Variants in ESRRG observed in about 807,000 individuals in gnomAD.
ESRRG encodes the protein estrogen-related receptor gamma.
In ESRRG, 13 loss-of-function variants were observed where a neutral mutation model predicts 44.0. That is an observed-to-expected ratio of 0.30 (90% CI 0.19 to 0.47). ESRRG has a LOEUF of 0.47. Ranked by LOEUF, ESRRG falls within the 20% of genes least tolerant of loss-of-function variation. ESRRG has a pLI of 1.00. For missense variants in ESRRG, 395 were observed against 580.6 expected, an observed-to-expected ratio of 0.68 and a Z score of 3.29; for synonymous variants, 215 against 214.6, an observed-to-expected ratio of 1.00 and a Z score of -0.02.
intron 3 of ESRRG, among the ~76,000 whole-genome samples, chr1:216,576,786 T>A (rs757666205): frequency 6.6e-6 from 1 of 152,018 alleles, no homozygotes; most frequent in Non-Finnish European, 1.5e-5. Context: ...ATCTGAAGCA[T>A]GGAGCCCTAA....
At chr1:216,761,651 G>T (rs79054869) in intron 2 of ESRRG, among the ~76,000 whole-genome samples, 3,024 of 152,202 alleles carry the variant, frequency 0.02, 52 homozygotes, top group Non-Finnish European at 0.031. Context: ...ACTTTGAAAA[G>T]AAGCAAAATT....
intron 1 of ESRRG, among the ~76,000 whole-genome samples, chr1:217,135,319 A>G (rs895177953): frequency 2.0e-5 from 3 of 152,122 alleles, no homozygotes; most frequent in Non-Finnish European, 2.9e-5. Flanking sequence ...TCCCACGTAA[A>G]GGCCAGTCTT....
At chr1:216,860,018 C>T (rs1483518190) in intron 2 of ESRRG, among the ~76,000 whole-genome samples, 1 of 152,186 alleles carries the variant, frequency 6.6e-6, no homozygotes, top group Non-Finnish European at 1.5e-5. Flanking sequence ...AATCCCAACA[C>T]TTTGGCAGGC....
At position 216,826,954 on chromosome 1, in the gene ESRRG, C is replaced by T. The variant is rs147622914; in HGVS notation, c.-14+112628G>A. Among the ~76,000 whole-genome samples, 965 of 152,268 alleles carry T rather than the reference C, an allele frequency of 6.3e-3. 6 individuals are homozygous for T. The highest frequency in any genetic ancestry group is 0.027 in the Middle Eastern group (8 of 294). On this transcript the variant is annotated intron_variant, in intron 2 of 7. Coordinates refer to the ESRRG transcript ENST00000359162. ...GGGCCCTTTAAGCTCATCTCTCTTT[C>T]CCAACTATATGAGCAGGGGGGTGAT... is the stretch of plus-strand genomic sequence containing the variant.
chr1:216,633,971 G>A (rs939061168), intron 3 of ESRRG, among the ~76,000 whole-genome samples: 1 of 152,150 alleles, frequency 6.6e-6, no homozygotes, highest in Non-Finnish European at 1.5e-5. Flanking sequence ...GGTTAAAAGG[G>A]TAGATAAACC....
rs201260010 is a variant in ESRRG at position 216,939,343 on chromosome 1, C to CAAAAAAAAAAAAAAAAAAAAAAAAAAAAA, written c.-14+238_-14+239insTTTTTTTTTTTTTTTTTTTTTTTTTTTTT. ...TCTTCCAGAATATCCTACACATAGA[C>CAAAAAAAAAAAAAAAAAAAAAAAAAAAAA]AAAAAAAAAAAAAAAAAAAAAAAAA... On this transcript the variant is annotated intron_variant, in intron 2 of 7. Transcript: ENST00000359162. 5.4e-4 allele frequency among the ~76,000 whole-genome samples: 27 copies of CAAAAAAAAAAAAAAAAAAAAAAAAAAAAA among 50,076 alleles called. 1 individual carries two copies. Among genetic ancestry groups the CAAAAAAAAAAAAAAAAAAAAAAAAAAAAA allele is most frequent in the East Asian group, 1.3e-3 (1 of 784 alleles). The allele number at this position is 50,076 out of a possible 152,430, so 32.9% of individuals were successfully genotyped here.
intron 3 of ESRRG, among the ~76,000 whole-genome samples, chr1:216,603,543 A>G (rs921319409): frequency 7.2e-5 from 11 of 152,244 alleles, no homozygotes; most frequent in Non-Finnish European, 1.2e-4. Flanking sequence ...AGTCGGAGAC[A>G]TAAGCAAAAG....
intron 1 of ESRRG, among the ~76,000 whole-genome samples, chr1:216,962,892 G>C (rs907575028): frequency 1.3e-5 from 2 of 152,136 alleles, no homozygotes; most frequent in Non-Finnish European, 2.9e-5. Flanking sequence ...GTCTAAAAAA[G>C]AACCAGGTAG....
chr1:216,815,248 A>G (rs556033952), intron 2 of ESRRG, among the ~76,000 whole-genome samples: 3 of 152,234 alleles, frequency 2.0e-5, no homozygotes, highest in East Asian at 1.9e-4. Flanking sequence ...TGTGCCAGGC[A>G]CCATGCTCAG....
At chr1:216,617,645 G>GTACTTAAGTCCAACA (rs2061600904) in intron 3 of ESRRG, among the ~76,000 whole-genome samples, 2 of 152,228 alleles carry the variant, frequency 1.3e-5, no homozygotes, top group South Asian at 4.2e-4. Flanking sequence ...ATAGCATGTT[G>GTACTTAAGTCCAACA]ATAACAGAAA....
intron 1 of ESRRG, among the ~76,000 whole-genome samples, chr1:216,700,367 A>G (rs796339193): frequency 6.6e-5 from 10 of 152,348 alleles, no homozygotes; most frequent in African/African-American, 2.4e-4. Context: ...GTACTTTCTA[A>G]GCATTTTATC....
At chr1:217,100,799 A>G (rs1437117055) in intron 1 of ESRRG, among the ~76,000 whole-genome samples, 1 of 152,134 alleles carries the variant, frequency 6.6e-6, no homozygotes, top group African/African-American at 2.4e-5. Context: ...CAGAGTGAGA[A>G]CTTACTTATT....
intron 1 of ESRRG, among the ~76,000 whole-genome samples, chr1:217,037,412 A>G (rs1348544919): frequency 3.3e-5 from 5 of 152,176 alleles, no homozygotes; most frequent in Non-Finnish European, 7.4e-5. Context: ...GATGGCAGCA[A>G]AGAAAGAGCT....
At chr1:217,012,547 A>G (rs543386221) in intron 1 of ESRRG, among the ~76,000 whole-genome samples, 9 of 152,292 alleles carry the variant, frequency 5.9e-5, no homozygotes, top group Non-Finnish European at 1.2e-4. Flanking sequence ...TGACACTGAC[A>G]CTGGCAATTT....
intron 1 of ESRRG, among the ~76,000 whole-genome samples, chr1:217,125,033 C>T (rs537668788): frequency 6.6e-6 from 1 of 152,186 alleles, no homozygotes; most frequent in South Asian, 2.1e-4. Context: ...GGGATCCACT[C>T]CATTTCTAAA....
At chr1:217,129,404 C>G (rs746279492) in intron 1 of ESRRG, among the ~76,000 whole-genome samples, 2 of 152,142 alleles carry the variant, frequency 1.3e-5, no homozygotes, top group Non-Finnish European at 2.9e-5. Context: ...AATTATGTAG[C>G]TGCTGTGGAA....
intron 2 of ESRRG, among the ~76,000 whole-genome samples, chr1:216,757,268 G>A (rs2152324371): frequency 1.3e-5 from 2 of 151,926 alleles, no homozygotes; most frequent in Admixed American, 1.3e-4. Flanking sequence ...ATCCTAAATG[G>A]CTCATTCCCC....
chr1:216,899,371 G>T (rs967330231), intron 2 of ESRRG, among the ~76,000 whole-genome samples: 1 of 152,138 alleles, frequency 6.6e-6, no homozygotes, highest in African/African-American at 2.4e-5. Flanking sequence ...TAAAAGAAAT[G>T]CATTTATGTT....
chr1:216,567,928 C>T, intron 4 of ESRRG, 60 bp downstream of exon 4: 1 of 1,115,960 alleles, frequency 9.0e-7, no homozygotes, highest in Non-Finnish European at 1.4e-6. Context: ...AGCTGATGTA[C>T]ATAGAGCCAA....
Sources: gnomAD v4.1 joint callset for allele counts (sites outside exome capture counted in the v4.1 genomes callset) on GRCh38, gnomAD v4.1.1 for gene constraint, MANE v1.5 for transcripts, NCBI Gene and HGNC (gene_info 2026-07-23, HGNC 2026-07-21) for gene names.